Variants in RPF2 observed in about 807,000 individuals in gnomAD.
RPF2 encodes the protein ribosome production factor 2 homolog.
Under a neutral mutation model 38.9 loss-of-function variants are expected in RPF2, and 21 were observed. The observed-to-expected ratio is 0.54, with a 90% CI of 0.38 to 0.78. The LOEUF is 0.78. Ranked by LOEUF, RPF2 falls within the 30% of genes least tolerant of loss-of-function variation. The pLI is 0.00. For missense variants in RPF2, 314 were observed against 358.1 expected (o/e 0.88, Z 0.99); for synonymous variants, 121 against 126.2 (o/e 0.96, Z 0.28).
intron 4 of RPF2, among the ~76,000 whole-genome samples, chr6:110,994,865 T>C (rs1317177396): frequency 6.6e-6 from 1 of 151,876 alleles, no homozygotes; most frequent in Non-Finnish European, 1.5e-5. Flanking sequence ...GTTTTTAAAA[T>C]TTTAAGAAAG....
chr6:110,989,701 C>T (rs555417129), intron 3 of RPF2, among the ~76,000 whole-genome samples: 2 of 151,036 alleles, frequency 1.3e-5, no homozygotes, highest in African/African-American at 2.4e-5. Context: ...TCTCGCCTCG[C>T]TGCAACCTCT....
intron 8 of RPF2, among the ~76,000 whole-genome samples, chr6:111,019,533 TC>T (rs1457062466): frequency 6.6e-6 from 1 of 151,932 alleles, no homozygotes; most frequent in Non-Finnish European, 1.5e-5. Flanking sequence ...GGTCAGTAGT[TC>T]CAGACCAGCC....
rs56993092 is a variant in RPF2 at position 110,992,445 on chromosome 6, C to CTTTTTT, written c.234+669_234+674dup. Among the ~76,000 whole-genome samples, 18 of 141,494 alleles carry CTTTTTT rather than the reference C, an allele frequency of 1.3e-4. 1 individual carries two copies. The highest frequency in any genetic ancestry group is 2.3e-4 in the African/African-American group (9 of 38,782). The allele number at this position is 141,494 out of a possible 152,430, so 92.8% of individuals were successfully genotyped here. On this transcript the variant is annotated intron_variant, in intron 4 of 9. Transcript: ENST00000441448. The stretch of plus-strand genomic sequence containing the variant: ...ATGACTCTTCCTTCAGATGTTTTTA[C>CTTTTTT]TTTTTTTTTTTTTTTGAAGCTTGGG...
In RPF2 at chr6:110,985,096, G is replaced by C. The variant is rs767985679; in HGVS notation, c.114G>C (p.Gly38=). ...ENIKNAMLIK[G]GNANATVTKV... ...TTAAAAATGCCATGCTGATTAAAGG[G>C]GGAAATGCAAATGCAACAGTGACAA... Residue 38 remains glycine, a synonymous_variant, in exon 2 of 10, where the codon GGG becomes GGC. Transcript: ENST00000441448. 2 of 1,613,674 alleles carry C rather than the reference G, an allele frequency of 1.2e-6. No individual in the cohort carries two copies. The highest frequency in any genetic ancestry group is 1.1e-5 in the South Asian group (1 of 91,032).
chr6:111,025,493 A>G lies in RPF2; in HGVS notation c.832A>G (p.Thr278Ala), dbSNP rs762840950. ...GAAGCAAGACCTAAGCAAACTACAAACCAGGAAAATGAAGGGGTTGAAGAA... is the reference window on the plus strand; with the variant it reads ...GAAGCAAGACCTAAGCAAACTACAAGCCAGGAAAATGAAGGGGTTGAAGAA... ...MQKQDLSKLQTRKMKGLKKRP... is the reference protein window; with the variant it reads ...MQKQDLSKLQARKMKGLKKRP... Residue 278 changes from threonine (T) to alanine (A), a missense_variant, in exon 10 of 10, where the codon ACC (threonine) becomes GCC (alanine). Thr to Ala is a moderately conservative substitution (Grantham distance 58, BLOSUM62 0). Coordinates refer to ENST00000441448, the MANE Select transcript of RPF2 (RefSeq NM_032194.3). 4.3e-6 allele frequency: 7 copies of G among 1,613,724 alleles called. No individual in the cohort carries two copies. The highest frequency in any genetic ancestry group is 2.7e-5 in the African/African-American group (2 of 74,908).
chr6:110,989,736 C>CT (rs1771586813), intron 3 of RPF2, among the ~76,000 whole-genome samples: 1 of 149,194 alleles, frequency 6.7e-6, no homozygotes, highest in African/African-American at 2.5e-5. Context: ...AGTGATTCTC[C>CT]TGCCTCAGCC....
chr6:111,014,147 T>TC (rs33997505), intron 7 of RPF2, among the ~76,000 whole-genome samples: 19,205 of 151,340 alleles, frequency 0.13, 1,713 homozygotes, highest in East Asian at 0.5. Flanking sequence ...TTGGGTTTTT[T>TC]TTTTTTTGAG....
At chr6:110,986,929 C>A (rs1401110850) in intron 2 of RPF2, among the ~76,000 whole-genome samples, 3 of 148,748 alleles carry the variant, frequency 2.0e-5, no homozygotes, top group African/African-American at 7.5e-5. Context: ...CTTACTCCAG[C>A]CTGGGTAACA....
At position 110,989,036 on chromosome 6, in the gene RPF2, G is replaced by T; in HGVS notation, c.165G>T (p.Leu55=). Reference sequence around the variant, plus strand: ...TAAATTTTGTTTTACAGTATGCACTGAAAAAACCATACGGTGTACTATATA... The same window carrying T: ...TAAATTTTGTTTTACAGTATGCACTTAAAAAACCATACGGTGTACTATATA... ...VTKVLKDVYA[L]KKPYGVLYKK... is the part of the protein sequence containing the mutation. Residue 55 remains leucine (L), a synonymous_variant, in exon 3 of 10, where the codon CTG becomes CTT. Transcript: ENST00000441448. 6.3e-7 allele frequency: 1 copy of T among 1,591,416 alleles called. No homozygotes were observed. Among genetic ancestry groups the T allele is most frequent in the Admixed American group, 1.8e-5 (1 of 56,272 alleles).
chr6:111,004,496 T>TA (rs1323609416), intron 6 of RPF2, among the ~76,000 whole-genome samples: 4 of 151,238 alleles, frequency 2.6e-5, no homozygotes, highest in Non-Finnish European at 5.9e-5. Context: ...CTAGTATTTT[T>TA]AAAAAATGGA....
chr6:110,983,969 C>G (rs1484017845), intron 1 of RPF2, among the ~76,000 whole-genome samples: 1 of 152,062 alleles, frequency 6.6e-6, no homozygotes, highest in Non-Finnish European at 1.5e-5. Flanking sequence ...ACGGAGCTTG[C>G]AGTGAGCCGA....
At chr6:111,024,056 T>A in intron 8 of RPF2, 127 bp from the exon 9 acceptor site, 1 of 802,108 alleles carries the variant, frequency 1.2e-6, no homozygotes, top group Admixed American at 3.3e-5. Flanking sequence ...TATTAAGTAT[T>A]TAAGTAAGTC....
Position 110,997,387 on chromosome 6 carries a change from G to A in RPF2, c.316+123G>A, listed in dbSNP as rs542686072. 2.0e-4 allele frequency: 124 copies of A among 635,512 alleles called. No individual in the cohort carries two copies. The African/African-American group carries it at 2.0e-3, about 10-fold the overall frequency. 39.4% of individuals were successfully genotyped at this position (635,512 alleles called of 1,614,324 possible). On this transcript the variant is annotated intron_variant, in intron 5 of 9. Coordinates refer to ENST00000441448, the MANE Select transcript of RPF2 (RefSeq NM_032194.3). ...TCAGAGGAAATAATTCATCCAAGAG[G>A]CATAGGCAGAGTAAGAGACTGAGGG...
At chr6:111,023,374 G>A (rs1772266413) in intron 8 of RPF2, among the ~76,000 whole-genome samples, 1 of 152,210 alleles carries the variant, frequency 6.6e-6, no homozygotes, top group African/African-American at 2.4e-5. Context: ...AGGAAAAGTT[G>A]ATTCTGAATG....
rs749741364 is a variant in RPF2, at chr6:110,999,687, C to T, written c.317-24C>T. 9 of 1,509,172 alleles carry T rather than the reference C, an allele frequency of 6.0e-6. No individual in the cohort carries two copies. The African/African-American group carries it at 8.2e-5, about 14-fold the overall frequency. The allele number at this position is 1,509,172 out of a possible 1,614,324, so 93.5% of individuals were successfully genotyped here. On this transcript the variant is annotated intron_variant, in intron 5 of 9. Transcript: ENST00000441448. ...GGTGGCTCTTTGGGAAAAATACATGCTTAAAAATACATTTTCCTTCCAGGT... is the reference window on the plus strand; with the variant it reads ...GGTGGCTCTTTGGGAAAAATACATGTTTAAAAATACATTTTCCTTCCAGGT...
intron 8 of RPF2, among the ~76,000 whole-genome samples, chr6:111,020,986 G>A (rs1044361940): frequency 1.4e-4 from 22 of 152,084 alleles, no homozygotes; most frequent in African/African-American, 4.3e-4. Flanking sequence ...TGGCTAACAC[G>A]GTGAAACATC....
intron 4 of RPF2, among the ~76,000 whole-genome samples, chr6:110,995,379 G>A (rs1771693763): frequency 6.6e-6 from 1 of 152,162 alleles, no homozygotes; most frequent in Non-Finnish European, 1.5e-5. Context: ...TTTAGTGGCA[G>A]AGCCTGAATT....
chr6:110,999,704 C>T lies in RPF2; in HGVS notation c.317-7C>T, dbSNP rs1487241509. The T allele has an allele frequency of 1.3e-6, 2 of 1,584,574 alleles. No homozygotes were observed. The highest frequency in any genetic ancestry group is 2.2e-5 in the South Asian group (2 of 90,370). On this transcript the variant is annotated splice_polypyrimidine_tract_variant and splice_region_variant and intron_variant, in intron 5 of 9. Coordinates refer to ENST00000441448, the MANE Select transcript of RPF2 (RefSeq NM_032194.3). The stretch of plus-strand genomic sequence containing the variant: ...AATACATGCTTAAAAATACATTTTC[C>T]TTCCAGGTCGTATGTATGACTACCA...
intron 2 of RPF2, among the ~76,000 whole-genome samples, chr6:110,986,147 A>G (rs1227547764): frequency 6.6e-6 from 1 of 152,172 alleles, no homozygotes; most frequent in East Asian, 1.9e-4. Context: ...GGCATGGCCA[A>G]AGGAGAGTGG....
Sources: gnomAD v4.1 joint callset for allele counts (sites outside exome capture counted in the v4.1 genomes callset) on GRCh38, gnomAD v4.1.1 for gene constraint, MANE v1.5 for transcripts, NCBI Gene and HGNC (gene_info 2026-07-23, HGNC 2026-07-21) for gene names.